Variants in SMUG1 observed in about 807,000 individuals in gnomAD.
The protein encoded by SMUG1 is single-strand-selective monofunctional uracil-DNA glycosylase 1.
In SMUG1, 13 loss-of-function variants were observed where a neutral mutation model predicts 23.9. The observed-to-expected ratio is 0.54, with a 90% CI of 0.35 to 0.86. SMUG1 has a LOEUF of 0.86. SMUG1 is among the 40% of genes least tolerant of loss of function. The pLI is 0.01. For missense variants in SMUG1, 313 were observed against 339.5 expected, an observed-to-expected ratio of 0.92 and a Z score of 0.61; for synonymous variants, 133 against 139.8, an observed-to-expected ratio of 0.95 and a Z score of 0.34.
At position 54,188,295 on chromosome 12, in the gene SMUG1, A is replaced by AATAATAAAT. The variant is rs869289712; in HGVS notation, c.-103-394_-103-393insATTTATTAT. On this transcript the variant is annotated intron_variant, in intron 1 of 3. Coordinates refer to ENST00000682136, the MANE Select transcript of SMUG1 (RefSeq NM_001243787.2). ...TAATAATAATAATAATAATAATAAT[A>AATAATAAAT]AATAATAATAATAATAATAATAATA... is the stretch of plus-strand genomic sequence containing the variant. 2.0e-3 allele frequency among the ~76,000 whole-genome samples: 140 copies of AATAATAAAT among 68,884 alleles called. 1 individual carries two copies. The highest frequency in any genetic ancestry group is 8.1e-3 in the South Asian group (18 of 2,232). The allele number at this position is 68,884 out of a possible 152,430, so 45.2% of individuals were successfully genotyped here. A position where few individuals can be genotyped will look rare whatever the true frequency, so the allele number is the denominator to read the frequency against.
chr12:54,186,443 A>C (rs974560170), intron 2 of SMUG1, among the ~76,000 whole-genome samples: 1 of 151,948 alleles, frequency 6.6e-6, no homozygotes, highest in Non-Finnish European at 1.5e-5. Context: ...CCCGGGTTCA[A>C]GTGATTCTCC....
At chr12:54,180,057 C>T (rs1040932266), downstream of SMUG1, among the ~76,000 whole-genome samples, 10 of 152,184 alleles carry the variant, frequency 6.6e-5, no homozygotes, top group African/African-American at 2.4e-4. Context: ...TTAAAATCAT[C>T]GGCATGTGGC....
At chr12:54,179,126 C>T (rs1940822661), downstream of SMUG1, among the ~76,000 whole-genome samples, 1 of 152,206 alleles carries the variant, frequency 6.6e-6, no homozygotes, top group Admixed American at 6.5e-5. Context: ...AGACAGAAGG[C>T]TGCCCTGTCG....
intron 3 of SMUG1, among the ~76,000 whole-genome samples, chr12:54,170,493 T>G (rs1469442606): frequency 6.6e-6 from 1 of 151,848 alleles, no homozygotes. Flanking sequence ...CCAGGGCAGC[T>G]GGGAATGAAA....
At chr12:54,164,397 A>G (rs1940373846), downstream of SMUG1, 1 of 152,474 alleles carries the variant, frequency 6.6e-6, no homozygotes, top group South Asian at 2.1e-4. Flanking sequence ...TGGCCAGGAG[A>G]AAAAAAAGAA....
intron 4 of SMUG1, among the ~76,000 whole-genome samples, chr12:54,159,568 A>G (rs1940174913): frequency 6.6e-6 from 1 of 152,132 alleles, no homozygotes; most frequent in Non-Finnish European, 1.5e-5. Flanking sequence ...AATGTCATTT[A>G]TCTATGTGTA....
At chr12:54,172,487 C>A (rs1264712070) in intron 2 of SMUG1, 1 of 167,070 alleles carries the variant, frequency 6.0e-6, no homozygotes, top group Non-Finnish European at 1.3e-5. Flanking sequence ...GGAGTCAGGT[C>A]CCGCACAAGA....
downstream of SMUG1, among the ~76,000 whole-genome samples, chr12:54,177,534 T>G (rs1940787056): frequency 6.6e-6 from 1 of 152,190 alleles, no homozygotes; most frequent in South Asian, 2.1e-4. Context: ...CACACATGGC[T>G]AGTGGCTACT....
chr12:54,187,544 C>T (rs1371823263), intron 2 of SMUG1, among the ~76,000 whole-genome samples: 1 of 152,176 alleles, frequency 6.6e-6, no homozygotes, highest in East Asian at 1.9e-4. Flanking sequence ...AGTCTTGAGC[C>T]CACCTTTGAC....
downstream of SMUG1, among the ~76,000 whole-genome samples, chr12:54,161,895 G>C (rs1363167099): frequency 6.6e-6 from 1 of 152,214 alleles, no homozygotes; most frequent in East Asian, 1.9e-4. The surrounding 1 kb of genome is among the most constrained non-coding windows in gnomAD (Gnocchi z 4.2). Context: ...GGACAGGAAA[G>C]ATAAATGAGG....
intron 3 of SMUG1, among the ~76,000 whole-genome samples, chr12:54,167,958 G>A (rs1411602834): frequency 6.6e-6 from 1 of 152,216 alleles, no homozygotes; most frequent in Non-Finnish European, 1.5e-5. Flanking sequence ...AATGTTCATG[G>A]AATTGAATGA....
chr12:54,177,669 CAAT>C (rs577302702), downstream of SMUG1, among the ~76,000 whole-genome samples: 576 of 150,426 alleles, frequency 3.8e-3, 24 homozygotes, highest in Admixed American at 0.034. Context: ...AAAAAAAAAA[CAAT>C]GACTTTCCTT....
At chr12:54,166,014 A>G (rs1233823536) in intron 3 of SMUG1, among the ~76,000 whole-genome samples, 1 of 152,242 alleles carries the variant, frequency 6.6e-6, no homozygotes, top group African/African-American at 2.4e-5. Context: ...CATTTGCCAC[A>G]GAACATTTGA....
At chr12:54,178,825 G>C (rs1276480262), downstream of SMUG1, among the ~76,000 whole-genome samples, 1 of 152,108 alleles carries the variant, frequency 6.6e-6, no homozygotes, top group Non-Finnish European at 1.5e-5. Flanking sequence ...ACTGTTTCTG[G>C]GTATTAGCAG....
intron 2 of SMUG1, among the ~76,000 whole-genome samples, chr12:54,174,749 A>G (rs1363071657): frequency 2.6e-5 from 4 of 152,376 alleles, no homozygotes; most frequent in Admixed American, 6.5e-5. Context: ...AGCCAGGACT[A>G]GAGACAGACA....
At chr12:54,185,057 C>G (rs906246743) in intron 2 of SMUG1, among the ~76,000 whole-genome samples, 6 of 152,074 alleles carry the variant, frequency 3.9e-5, no homozygotes, top group Admixed American at 3.9e-4. Context: ...GCCTGTAATC[C>G]CAGCACTTTA....
chr12:54,159,082 C>A (rs1940143218), intron 4 of SMUG1, among the ~76,000 whole-genome samples: 1 of 152,182 alleles, frequency 6.6e-6, no homozygotes, highest in South Asian at 2.1e-4. Context: ...TGCCCCCACA[C>A]CCTCCTCACC....
intron 2 of SMUG1, among the ~76,000 whole-genome samples, chr12:54,174,134 G>A (rs1300318796): frequency 1.3e-5 from 2 of 152,162 alleles, no homozygotes; most frequent in Non-Finnish European, 2.9e-5. Context: ...CTAACTCAGT[G>A]ATTCACAGGG....
chr12:54,176,517 A>AGCCCCC (rs1247915453), downstream of SMUG1, among the ~76,000 whole-genome samples: 11 of 74,998 alleles, frequency 1.5e-4, no homozygotes, highest in African/African-American at 2.5e-4. Context: ...TCCCCCCCCA[A>AGCCCCC]AAAAAAAGGC....
Sources: gnomAD v4.1 joint callset for allele counts (sites outside exome capture counted in the v4.1 genomes callset) on GRCh38, gnomAD v4.1.1 for gene constraint, Gnocchi (gnomAD v3.1) non-coding constraint, MANE v1.5 for transcripts, NCBI Gene and HGNC (gene_info 2026-07-23, HGNC 2026-07-21) for gene names.